DLG1: variants seen among roughly 807,000 people sequenced by gnomAD.
DLG1 encodes the protein discs large MAGUK scaffold protein 1.
A neutral mutation model predicts 123.4 loss-of-function variants in DLG1; 42 were observed. The ratio of observed to expected loss-of-function variants is 0.34; its 90% CI spans 0.27 to 0.44. DLG1 has a LOEUF of 0.44. DLG1 is among the 20% of genes least tolerant of loss of function. DLG1 has a pLI of 1.00. For synonymous variants in DLG1, 317 were observed against 356.2 expected (o/e 0.89, Z 1.24); for missense variants, 942 against 1,082.6 (o/e 0.87, Z 1.82).
chr3:197,263,348 CG>C (rs10711560), intron 4 of DLG1, among the ~76,000 whole-genome samples: 137,984 of 151,910 alleles, frequency 0.91, 62,714 homozygotes, highest in East Asian at 0.94. Flanking sequence ...TCATTTTCTT[CG>C]GGGGGGTGGG....
At chr3:197,106,753 T>C (rs1224717867) in intron 13 of DLG1, among the ~76,000 whole-genome samples, 3 of 152,180 alleles carry the variant, frequency 2.0e-5, no homozygotes, top group African/African-American at 7.2e-5. Flanking sequence ...AACATTTCAA[T>C]TGAAGATACA....
chr3:197,258,726 G>A (rs1758001085), intron 4 of DLG1, among the ~76,000 whole-genome samples: 3 of 152,154 alleles, frequency 2.0e-5, no homozygotes, highest in South Asian at 2.1e-4. Context: ...GGTACACACC[G>A]CAGCCTTTAG....
chr3:197,278,282 CAAAAAAAAA>C (rs71164203), intron 4 of DLG1, among the ~76,000 whole-genome samples: 782 of 37,582 alleles, frequency 0.021, 9 homozygotes, highest in South Asian at 0.066. Flanking sequence ...GACTCTGTCC[CAAAAAAAAA>C]AAAAAAAAAA....
chr3:197,281,053 C>T (rs544452347), intron 4 of DLG1, among the ~76,000 whole-genome samples: 7 of 142,576 alleles, frequency 4.9e-5, no homozygotes, highest in East Asian at 2.1e-4. Flanking sequence ...GACGGAGTCT[C>T]GCTTATCGCC....
intron 4 of DLG1, among the ~76,000 whole-genome samples, chr3:197,255,663 T>A (rs964030732): frequency 2.0e-4 from 30 of 152,066 alleles, no homozygotes; most frequent in African/African-American, 7.2e-4. Context: ...AGGAACAAGC[T>A]ACCAGCACGC....
chr3:197,075,932 G>C, intron 18 of DLG1: 5 of 1,470,814 alleles, frequency 3.4e-6, no homozygotes, highest in Non-Finnish European at 4.7e-6. Context: ...ATAGTTGTCA[G>C]TAATGCATAA....
At chr3:197,196,027 G>A (rs1365448191) in intron 4 of DLG1, among the ~76,000 whole-genome samples, 7 of 151,946 alleles carry the variant, frequency 4.6e-5, no homozygotes, top group Non-Finnish European at 1.0e-4. Flanking sequence ...AGGGCAGTTT[G>A]GCAGTATGTT....
At chr3:197,179,974 T>C (rs1809245584) in intron 5 of DLG1, among the ~76,000 whole-genome samples, 1 of 150,932 alleles carries the variant, frequency 6.6e-6, no homozygotes, top group African/African-American at 2.4e-5. Context: ...TATTATTCTA[T>C]TTCAATTCTG....
chr3:197,085,763 T>A lies in DLG1; in HGVS notation c.1662-7A>T, dbSNP rs1178763111. The A allele has an allele frequency of 1.9e-6, 3 of 1,601,658 alleles. No homozygotes were observed. The highest frequency in any genetic ancestry group is 1.8e-5 in the Admixed American group (1 of 56,380). ...GTCATAATCAAAAAGGGCTCTAGAGTCAGAAGAAAAAAAGTCCATAATCAC... is the reference window on the plus strand; with the variant it reads ...GTCATAATCAAAAAGGGCTCTAGAGACAGAAGAAAAAAAGTCCATAATCAC... On this transcript the variant is annotated splice_polypyrimidine_tract_variant and splice_region_variant and intron_variant, in intron 15 of 24. Transcript: ENST00000667157.
intron 4 of DLG1, among the ~76,000 whole-genome samples, chr3:197,260,831 G>A (rs866925353): frequency 7.5e-4 from 100 of 133,470 alleles, no homozygotes; most frequent in African/African-American, 2.3e-3. Context: ...AACCATTTCA[G>A]CAACTGCAGC....
chr3:197,070,902 A>G (rs577347), intron 18 of DLG1: 2 of 152,034 alleles, frequency 1.3e-5, no homozygotes, highest in Non-Finnish European at 2.9e-5. Flanking sequence ...GCTCATATTA[A>G]AATATTTCTT....
rs1042982789 is a variant in DLG1, at chr3:197,042,794, T to C, written c.*1829A>G. 6.6e-6 allele frequency: 1 copy of C among 152,240 alleles called. No individual in the cohort carries two copies. Among genetic ancestry groups the C allele is most frequent in the Non-Finnish European group, 1.5e-5 (1 of 68,030 alleles). The allele number at this position is 152,240 out of a possible 1,614,324, so 9.4% of individuals were successfully genotyped here. On this transcript the variant is annotated 3_prime_UTR_variant, in exon 25 of 25. Transcript: ENST00000667157. ...CTAACAGCAGCACTGTGTATTTCAA[T>C]GTGGTAACACACTCTGCTGCCTAAC... is the stretch of plus-strand genomic sequence containing the variant.
chr3:197,238,664 A>G (rs1747285371), intron 4 of DLG1, among the ~76,000 whole-genome samples: 2 of 152,220 alleles, frequency 1.3e-5, no homozygotes, highest in Non-Finnish European at 2.9e-5. Context: ...ATGAAGTCAG[A>G]AATCAGTAAT....
chr3:197,148,654 A>G lies in DLG1; in HGVS notation c.537+1089T>C, dbSNP rs527806888. On this transcript the variant is annotated intron_variant, in intron 6 of 24. Transcript: ENST00000667157. ...AAGAATGAAGTTGGACCTCTACTTC[A>G]CATTATACAAAAATCAACTCAAAAT... Among the ~76,000 whole-genome samples, 6 of 152,298 alleles carry G rather than the reference A, an allele frequency of 3.9e-5. No individual in the cohort carries two copies. In the South Asian group the frequency reaches 1.2e-3, roughly 32 times the overall value.
chr3:197,072,578 C>T (rs993707330), intron 18 of DLG1, among the ~76,000 whole-genome samples: 1 of 151,342 alleles, frequency 6.6e-6, no homozygotes, highest in Admixed American at 6.6e-5. Flanking sequence ...GGAGAGTTAG[C>T]TTATTTCTTA....
chr3:197,195,374 G>C (rs760570193), intron 4 of DLG1, among the ~76,000 whole-genome samples: 5 of 151,606 alleles, frequency 3.3e-5, no homozygotes, highest in Non-Finnish European at 4.4e-5. Context: ...CCACTACTGG[G>C]AAAAAAACCA....
intron 4 of DLG1, among the ~76,000 whole-genome samples, chr3:197,238,835 T>C (rs1747377048): frequency 2.0e-5 from 3 of 151,984 alleles, no homozygotes; most frequent in Admixed American, 1.3e-4. Flanking sequence ...GTGAAAGCAG[T>C]GCTAAGGAGT....
In DLG1 at chr3:197,297,422, T is replaced by C. The variant is rs898571026; in HGVS notation, c.-31-187A>G. 2.8e-6 allele frequency: 4 copies of C among 1,413,832 alleles called. No individual in the cohort carries two copies. The Admixed American group carries it at 8.9e-5, about 31-fold the overall frequency. The allele number at this position is 1,413,832 out of a possible 1,614,324, so 87.6% of individuals were successfully genotyped here. A position where few individuals can be genotyped will look rare whatever the true frequency, so the allele number is the denominator to read the frequency against. ...GTGGAAAGCTTTTCCTTGGAGTGGGTACCCCTCCAAATTAAGAACAGACAG... is the reference window on the plus strand; with the variant it reads ...GTGGAAAGCTTTTCCTTGGAGTGGGCACCCCTCCAAATTAAGAACAGACAG... On this transcript the variant is annotated intron_variant, in intron 1 of 24. Coordinates refer to ENST00000667157, the MANE Select transcript of DLG1 (RefSeq NM_001366207.1).
chr3:197,264,583 C>T (rs139260706), intron 4 of DLG1, among the ~76,000 whole-genome samples: 153 of 152,198 alleles, frequency 1.0e-3, no homozygotes, highest in African/African-American at 3.5e-3. Context: ...CCTGCCACCA[C>T]GCCCAGCTAA....
Sources: allele counts gnomAD v4.1 joint callset (sites outside exome capture counted in the v4.1 genomes callset), GRCh38; gene constraint gnomAD v4.1.1; transcripts MANE v1.5; gene names NCBI Gene and HGNC (gene_info 2026-07-23, HGNC 2026-07-21).